Variants in COL5A1 observed in about 807,000 individuals in gnomAD.
The protein encoded by COL5A1 is collagen type V alpha 1 chain.
COL5A1 carries 16 observed loss-of-function variants against 263.7 expected under a neutral mutation model. The observed-to-expected ratio is 0.06, with a 90% confidence interval of 0.04 to 0.09. The LOEUF (loss-of-function observed/expected upper bound fraction) is 0.09, where lower values mean the gene tolerates loss of function less well. Among genes scored for constraint, COL5A1 ranks in the 10% least tolerant of loss-of-function variants. The pLI is 1.00. For synonymous variants in COL5A1, 1,012 were observed against 1,004.5 expected (o/e 1.01, Z -0.14); for missense variants, 2,036 against 2,540.5 (o/e 0.80, Z 4.27).
In COL5A1 at chr9:134,681,340, A is replaced by C. The variant is rs1375425638; in HGVS notation, c.110-9572A>C. 6.6e-6 allele frequency among the ~76,000 whole-genome samples: 1 copy of C among 152,258 alleles called. No homozygotes were observed. Among genetic ancestry groups the C allele is most frequent in the Non-Finnish European group, 1.5e-5 (1 of 68,044 alleles). On this transcript the variant is annotated intron_variant, in intron 1 of 65. Transcript: ENST00000371817. The surrounding 1 kb of genome is among the most constrained non-coding windows in gnomAD (Gnocchi z 4.3). ...CTGCAGGGCCCTTTACAAACAGAGC[A>C]AATTGATGGCTTCGTGAACAATTTC...
intron 9 of COL5A1, among the ~76,000 whole-genome samples, chr9:134,737,964 G>A (rs561702745): frequency 4.3e-4 from 65 of 152,316 alleles, no homozygotes; most frequent in Middle Eastern, 3.4e-3. Flanking sequence ...GGAGGGAGGC[G>A]GGGTCTGGAG....
At chr9:134,691,127 C>G (rs756850577) in intron 2 of COL5A1, 48 bp downstream of exon 2, 52 of 1,608,380 alleles carry the variant, frequency 3.2e-5, no homozygotes, top group South Asian at 4.4e-5. Flanking sequence ...CGTTGGCCCT[C>G]TGGCCTCCAG....
At chr9:134,715,369 G>A (rs12683240) in intron 4 of COL5A1, among the ~76,000 whole-genome samples, 26,425 of 152,096 alleles carry the variant, frequency 0.17, 2,521 homozygotes, top group East Asian at 0.4. Context: ...TTTACACCAA[G>A]ACATTCTATT....
At chr9:134,728,894 G>C (rs530570512) in intron 6 of COL5A1, 87 bp downstream of exon 6, 1 of 1,565,608 alleles carries the variant, frequency 6.4e-7, no homozygotes, top group East Asian at 2.3e-5. Context: ...GTTGTGTCAG[G>C]GTAGAGGGTT....
chr9:134,831,533 A>G (rs1033124855), intron 64 of COL5A1, among the ~76,000 whole-genome samples: 1 of 152,164 alleles, frequency 6.6e-6, no homozygotes, highest in Admixed American at 6.5e-5. Flanking sequence ...GCCCGGAGGG[A>G]CAGAGCGTAG....
intron 30 of COL5A1, among the ~76,000 whole-genome samples, 153 bp downstream of exon 30, chr9:134,785,249 T>C (rs374484264): frequency 1.7e-4 from 26 of 152,256 alleles, no homozygotes; most frequent in African/African-American, 6.0e-4. Flanking sequence ...TTCTCTCTGC[T>C]GTTCCTATGA....
At chr9:134,746,912 G>A (rs1835534908) in intron 11 of COL5A1, among the ~76,000 whole-genome samples, 1 of 152,376 alleles carries the variant, frequency 6.6e-6, no homozygotes, top group South Asian at 2.1e-4. Flanking sequence ...GCAGACAACA[G>A]CCACATCGCT....
chr9:134,780,893 G>T (rs1226272411), intron 28 of COL5A1, among the ~76,000 whole-genome samples: 1 of 152,238 alleles, frequency 6.6e-6, no homozygotes, highest in Non-Finnish European at 1.5e-5. Context: ...CCCCACCGTG[G>T]CCTCACGCTC....
intron 5 of COL5A1, among the ~76,000 whole-genome samples, chr9:134,727,621 A>G (rs907079410): frequency 3.3e-5 from 5 of 152,120 alleles, no homozygotes; most frequent in African/African-American, 1.2e-4. Flanking sequence ...CTCTCCTTTA[A>G]CCTTTTGAAC....
chr9:134,679,576 A>G (rs186740666), intron 1 of COL5A1, among the ~76,000 whole-genome samples: 5 of 18,260 alleles, frequency 2.7e-4, no homozygotes, highest in Non-Finnish European at 3.7e-4. Flanking sequence ...GGGGCTGGCT[A>G]GGGGCACTGT....
At chr9:134,807,453 C>T (rs531621420) in intron 42 of COL5A1, among the ~76,000 whole-genome samples, 3 of 152,258 alleles carry the variant, frequency 2.0e-5, no homozygotes, top group African/African-American at 2.4e-5. Context: ...GCTACCACAC[C>T]CGGCTACTTT....
intron 25 of COL5A1, among the ~76,000 whole-genome samples, chr9:134,771,786 G>A (rs1564448804): frequency 1.3e-5 from 2 of 152,174 alleles, no homozygotes; most frequent in Non-Finnish European, 2.9e-5. Flanking sequence ...CAGGTTGAGT[G>A]TGTCCAGGAG....
chr9:134,647,415 G>T lies in COL5A1; in HGVS notation c.109+5119G>T, dbSNP rs1831510101. Among the ~76,000 whole-genome samples the T allele has an allele frequency of 6.6e-6, 1 of 152,168 alleles. No homozygotes were observed. The highest frequency in any genetic ancestry group is 1.5e-5 in the Non-Finnish European group (1 of 68,022). The stretch of plus-strand genomic sequence containing the variant: ...TGTGTGTCAGGCCGTGTGCACGTGT[G>T]GACAATGTGTATATCTCCCCGCGAT... On this transcript the variant is annotated intron_variant, in intron 1 of 65. Transcript: ENST00000371817. The surrounding 1 kb of genome is among the most constrained non-coding windows in gnomAD (Gnocchi z 5.0).
chr9:134,670,937 A>G (rs1001648626), intron 1 of COL5A1, among the ~76,000 whole-genome samples: 2 of 152,102 alleles, frequency 1.3e-5, no homozygotes, highest in African/African-American at 2.4e-5. Flanking sequence ...TGCCTTCCAC[A>G]CTGAAATACC....
Position 134,699,760 on chromosome 9 carries a change from C to T in COL5A1, c.278-149C>T, listed in dbSNP as rs943389430. The T allele has an allele frequency of 7.7e-6, 6 of 781,430 alleles. 1 individual carries two copies. Among genetic ancestry groups the T allele is most frequent in the Admixed American group, 4.0e-5 (2 of 50,480 alleles). 48.4% of individuals were successfully genotyped at this position (781,430 alleles called of 1,614,324 possible). On this transcript the variant is annotated intron_variant, in intron 2 of 65. Coordinates refer to ENST00000371817, the MANE Select transcript of COL5A1 (RefSeq NM_000093.5). ...GGAAGGGCTGCAGGAGCAGTTTGAT[C>T]AAGGGGCAGATGTGCAGCAGATGGC...
chr9:134,754,041 T>G lies in COL5A1; in HGVS notation c.1773+138T>G, dbSNP rs113985211. 3 of 867,208 alleles carry G rather than the reference T, an allele frequency of 3.5e-6. No individual in the cohort carries two copies. The Middle Eastern group carries it at 6.4e-4, about 185-fold the overall frequency. The allele number at this position is 867,208 out of a possible 1,614,324, so 53.7% of individuals were successfully genotyped here. On this transcript the variant is annotated intron_variant, in intron 15 of 65. Coordinates refer to ENST00000371817, the MANE Select transcript of COL5A1 (RefSeq NM_000093.5). The surrounding 1 kb of genome is among the most constrained non-coding windows in gnomAD (Gnocchi z 4.3). ...GAATTGTCCTTGCTTTACGCAGTGC[T>G]GAGGGTGGAGCACAATGAACTCTGA...
At chr9:134,823,543 TG>T in intron 61 of COL5A1, 74 bp downstream of exon 61, 1 of 1,491,286 alleles carries the variant, frequency 6.7e-7, no homozygotes. Context: ...AAAGCAACTG[TG>T]TGTGTGTGAC....
chr9:134,743,149 G>A (rs554455785), intron 11 of COL5A1, among the ~76,000 whole-genome samples: 4 of 152,194 alleles, frequency 2.6e-5, no homozygotes, highest in South Asian at 2.1e-4. Context: ...TCCCTTCCCC[G>A]TGTGCCTCTC....
intron 1 of COL5A1, among the ~76,000 whole-genome samples, chr9:134,674,462 G>A (rs1241974012): frequency 1.3e-5 from 2 of 152,132 alleles, no homozygotes; most frequent in South Asian, 2.1e-4. Flanking sequence ...TGAGTGAGGA[G>A]AGAGACATAA....
Sources: allele counts gnomAD v4.1 joint callset (sites outside exome capture counted in the v4.1 genomes callset), GRCh38; gene constraint gnomAD v4.1.1; non-coding constraint Gnocchi (gnomAD v3.1); transcripts MANE v1.5; gene names NCBI Gene and HGNC (gene_info 2026-07-23, HGNC 2026-07-21).